Variants in CSMD3 observed in about 807,000 individuals in gnomAD.
CSMD3 encodes CUB and sushi domain-containing protein 3.
Under a neutral mutation model 435.2 loss-of-function variants are expected in CSMD3, and 177 were observed. That is an observed-to-expected ratio of 0.41 (90% CI 0.36 to 0.46). The LOEUF (loss-of-function observed/expected upper bound fraction) is 0.46, where lower values mean the gene tolerates loss of function less well. Ranked by LOEUF, CSMD3 falls within the 20% of genes least tolerant of loss-of-function variation. The pLI, the probability that CSMD3 is intolerant of heterozygous loss-of-function variation, is 0.34. For synonymous variants in CSMD3, 1,656 were observed against 1,520.5 expected (o/e 1.09, Z -2.07); for missense variants, 4,265 against 4,504.6 (o/e 0.95, Z 1.52).
intron 2 of CSMD3, 37 bp from the exon 3 acceptor site, chr8:113,278,741 C>A: frequency 1.1e-6 from 1 of 937,930 alleles, no homozygotes; most frequent in South Asian, 1.3e-5. Context: ...GAGACATAAT[C>A]ATTTTATCTA....
chr8:113,283,784 T>C (rs761381992), intron 2 of CSMD3, among the ~76,000 whole-genome samples: 20 of 152,130 alleles, frequency 1.3e-4, no homozygotes, highest in Non-Finnish European at 7.4e-5. Flanking sequence ...TACATGCATG[T>C]TTATAGCAGC....
intron 4 of CSMD3, among the ~76,000 whole-genome samples, chr8:113,147,591 A>T (rs2091706551): frequency 6.6e-6 from 1 of 151,744 alleles, no homozygotes; most frequent in Non-Finnish European, 1.5e-5. Flanking sequence ...CCTAGATTTC[A>T]ACTCCAGCTG....
intron 69 of CSMD3, among the ~76,000 whole-genome samples, chr8:112,229,892 A>G (rs921306447): frequency 6.2e-5 from 5 of 80,146 alleles, no homozygotes. Context: ...CCGAGATTAA[A>G]AAAAAAAAAA....
chr8:113,418,334 T>C (rs2094592053), intron 1 of CSMD3, among the ~76,000 whole-genome samples: 1 of 152,150 alleles, frequency 6.6e-6, no homozygotes. Flanking sequence ...ACATATCTTT[T>C]AAACTAGGAA....
chr8:113,286,974 G>C (rs956133557), intron 2 of CSMD3, among the ~76,000 whole-genome samples: 6 of 151,616 alleles, frequency 4.0e-5, no homozygotes, highest in Non-Finnish European at 8.8e-5. Context: ...GAGAGAGAGA[G>C]AGAGATTTAT....
chr8:112,499,748 A>G (rs1368156706), intron 30 of CSMD3, among the ~76,000 whole-genome samples: 1 of 152,214 alleles, frequency 6.6e-6, no homozygotes, highest in African/African-American at 2.4e-5. Context: ...AAATCTGTAC[A>G]TATCAAAATG....
chr8:112,960,400 C>T (rs1429547426), intron 7 of CSMD3, among the ~76,000 whole-genome samples: 1 of 151,614 alleles, frequency 6.6e-6, no homozygotes, highest in East Asian at 1.9e-4. Context: ...ATAATACAAT[C>T]TTCTGAGAAA....
chr8:112,747,183 C>CTTTTTTTTTTTTTTT (rs71309787), intron 13 of CSMD3, among the ~76,000 whole-genome samples: 4 of 26,950 alleles, frequency 1.5e-4, no homozygotes, highest in African/African-American at 1.0e-3. Context: ...GCACACTTCC[C>CTTTTTTTTTTTTTTT]TTTTTTTTTT....
chr8:112,975,590 G>T (rs1205627743), intron 7 of CSMD3, among the ~76,000 whole-genome samples: 1 of 151,932 alleles, frequency 6.6e-6, no homozygotes, highest in Admixed American at 6.6e-5. Flanking sequence ...AATGATTTCT[G>T]TTCTACTTTT....
At chr8:113,284,123 T>C (rs542249487) in intron 2 of CSMD3, among the ~76,000 whole-genome samples, 2 of 152,112 alleles carry the variant, frequency 1.3e-5, no homozygotes, top group African/African-American at 2.4e-5. Context: ...AACACAGATA[T>C]AGTACAGTAT....
At chr8:113,168,897 C>T (rs568003846) in intron 4 of CSMD3, among the ~76,000 whole-genome samples, 41 of 152,216 alleles carry the variant, frequency 2.7e-4, no homozygotes, top group African/African-American at 9.4e-4. Context: ...TGATTTCCTA[C>T]TGCCTTTGTG....
intron 13 of CSMD3, among the ~76,000 whole-genome samples, chr8:112,797,912 TA>T (rs2078866403): frequency 6.6e-6 from 1 of 151,916 alleles, no homozygotes; most frequent in South Asian, 2.1e-4. Context: ...AGGCCTAATA[TA>T]AATACCTAAT....
chr8:112,794,285 C>CCTTT (rs2078767457), intron 13 of CSMD3, among the ~76,000 whole-genome samples: 1 of 96,302 alleles, frequency 1.0e-5, no homozygotes. Flanking sequence ...GACTGATAAA[C>CCTTT]TTTTTTTTTT....
At chr8:112,346,049 A>G in intron 41 of CSMD3, 48 bp downstream of exon 41, 1 of 981,942 alleles carries the variant, frequency 1.0e-6, no homozygotes, top group Non-Finnish European at 1.7e-6. Context: ...TTTTAAGGCT[A>G]CATTAATAAA....
intron 10 of CSMD3, among the ~76,000 whole-genome samples, chr8:112,901,634 C>T (rs1362009906): frequency 6.6e-6 from 1 of 151,258 alleles, no homozygotes; most frequent in Non-Finnish European, 1.5e-5. Context: ...CTTCCTTCTC[C>T]CACTTAAATG....
chr8:112,731,096 ATTG>A (rs1204364746), intron 13 of CSMD3, among the ~76,000 whole-genome samples: 2 of 152,054 alleles, frequency 1.3e-5, no homozygotes, highest in African/African-American at 2.4e-5. Context: ...TTGGAGTAGC[ATTG>A]TTATTATTAT....
At chr8:113,360,353 G>T (rs1293780750) in intron 1 of CSMD3, among the ~76,000 whole-genome samples, 1 of 151,960 alleles carries the variant, frequency 6.6e-6, no homozygotes, top group African/African-American at 2.4e-5. Flanking sequence ...TAAGGAAGGG[G>T]TATAATAGTA....
At chr8:112,977,865 T>A (rs1206261717) in intron 6 of CSMD3, among the ~76,000 whole-genome samples, 1 of 152,066 alleles carries the variant, frequency 6.6e-6, no homozygotes, top group Non-Finnish European at 1.5e-5. Context: ...GGTTGCAATA[T>A]TTAGTCAGCT....
At chr8:112,774,777 T>C (rs1196084533) in intron 13 of CSMD3, among the ~76,000 whole-genome samples, 1 of 152,018 alleles carries the variant, frequency 6.6e-6, no homozygotes, top group African/African-American at 2.4e-5. Context: ...ATCTTTTCTG[T>C]ATAATTGCAG....
Sources: allele counts gnomAD v4.1 joint callset (sites outside exome capture counted in the v4.1 genomes callset), GRCh38; gene constraint gnomAD v4.1.1; transcripts MANE v1.5; gene names NCBI Gene and HGNC (gene_info 2026-07-23, HGNC 2026-07-21).